The following ZNF462 variants were observed in gnomAD, a reference collection of about 807,000 sequenced individuals.
The protein encoded by ZNF462 is zinc finger PBX1-interacting protein.
ZNF462 carries 10 observed loss-of-function variants against 201.9 expected under a neutral mutation model. That is an observed-to-expected ratio of 0.05 (90% CI 0.03 to 0.08). The LOEUF is 0.08. ZNF462 is among the 10% of genes least tolerant of loss of function. The pLI is 1.00. For missense variants in ZNF462, 2,523 were observed against 3,168.3 expected (o/e 0.80, Z 4.89); for synonymous variants, 1,227 against 1,193.3 (o/e 1.03, Z -0.58).
At chr9:106,921,585 A>G (rs1829993842) in intron 1 of ZNF462, among the ~76,000 whole-genome samples, 1 of 152,196 alleles carries the variant, frequency 6.6e-6, no homozygotes, top group Admixed American at 6.5e-5. Context: ...AAGTGTGATA[A>G]ACACATTCAG....
chr9:107,004,581 T>A (rs1341187267), intron 11 of ZNF462, among the ~76,000 whole-genome samples: 1 of 152,202 alleles, frequency 6.6e-6, no homozygotes, highest in African/African-American at 2.4e-5. Flanking sequence ...TTGGACTTTT[T>A]AAATTTACTT....
chr9:106,924,570 C>T lies in ZNF462; in HGVS notation c.658C>T (p.Pro220Ser), dbSNP rs1306852905. 2.5e-6 allele frequency: 4 copies of T among 1,614,048 alleles called. No homozygotes were observed. Among genetic ancestry groups the T allele is most frequent in the Admixed American group, 1.7e-5 (1 of 60,004 alleles). The change falls in exon 3 of 13, where the codon CCA becomes TCA. Residue 220 changes from proline to serine, a missense_variant. Pro to Ser is a moderately conservative substitution (Grantham distance 74). This residue lies in a region of ZNF462 where 480 missense variants were observed against 544.4 expected (regional missense o/e 0.88). Transcript: ENST00000277225. The surrounding 1 kb of genome is among the most constrained non-coding windows in gnomAD (Gnocchi z 6.2). ...VSLQDPCKEL[P>S]AEVVERSILE... ...ACTGCAGGACCCCTGCAAGGAACTG[C>T]CAGCAGAGGTTGTGGAGCGCAGCAT...
At chr9:106,896,336 A>AT (rs1300176221) in intron 1 of ZNF462, among the ~76,000 whole-genome samples, 4 of 152,152 alleles carry the variant, frequency 2.6e-5, no homozygotes, top group African/African-American at 2.4e-5. Flanking sequence ...ATCGAAAATG[A>AT]TTTTTTTAAA....
In ZNF462 at chr9:106,972,702, A is replaced by C. The variant is rs1564142892; in HGVS notation, c.6695+430A>C. ...TGCTCCCCTGATAGAAAATTCTTTA[A>C]TTCTTAAGATCGTAGTATTGAAAGA... On this transcript the variant is annotated intron_variant, in intron 8 of 12. Coordinates refer to ENST00000277225, the MANE Select transcript of ZNF462 (RefSeq NM_021224.6). This position sits in a 1 kb window ranked among gnomAD's most constrained non-coding sequence, Gnocchi z 4.8. 6.7e-6 allele frequency among the ~76,000 whole-genome samples: 1 copy of C among 148,210 alleles called. No homozygotes were observed. Among genetic ancestry groups the C allele is most frequent in the African/African-American group, 2.4e-5 (1 of 41,080 alleles).
chr9:106,962,089 A>G lies in ZNF462; in HGVS notation c.6428-9916A>G, dbSNP rs548911652. On this transcript the variant is annotated intron_variant, in intron 7 of 12. Transcript: ENST00000277225. The surrounding 1 kb of genome is among the most constrained non-coding windows in gnomAD (Gnocchi z 4.6). The stretch of plus-strand genomic sequence containing the variant: ...TTTTTTCTGTAAGAAAGTGAGTGTC[A>G]TGATCACATTTGCATTTTAGAAAAG... Among the ~76,000 whole-genome samples, 6 of 152,176 alleles carry G rather than the reference A, an allele frequency of 3.9e-5. No individual in the cohort carries two copies. The highest frequency in any genetic ancestry group is 2.1e-4 in the South Asian group (1 of 4,826).
chr9:106,945,637 G>A (rs1232626039), intron 7 of ZNF462, among the ~76,000 whole-genome samples: 1 of 152,158 alleles, frequency 6.6e-6, no homozygotes, highest in African/African-American at 2.4e-5. Flanking sequence ...TTTTTAATAG[G>A]TTCTGCTGGT....
In ZNF462 at chr9:106,976,241, T is replaced by G. The variant is rs554917576; in HGVS notation, c.6832+1968T>G. ...TGGATACCATGAGGTGCCATGCCCT[T>G]GTTCACAGTGGGCTGCAGATTTCGC... On this transcript the variant is annotated intron_variant, in intron 9 of 12. Coordinates refer to ENST00000277225, the MANE Select transcript of ZNF462 (RefSeq NM_021224.6). 5.9e-5 allele frequency: 9 copies of G among 152,330 alleles called. No individual in the cohort carries two copies. In the East Asian group the frequency reaches 1.7e-3, roughly 29 times the overall value. The allele number at this position is 152,330 out of a possible 1,614,324, so 9.4% of individuals were successfully genotyped here. A position where few individuals can be genotyped will look rare whatever the true frequency, so the allele number is the denominator to read the frequency against.
chr9:106,974,491 T>C lies in ZNF462; in HGVS notation c.6832+218T>C. ...TCCACCTGGAGGGAGGCAAAGGTGA[T>C]GGATTCTGCAGTGAACATTTCCGTA... On this transcript the variant is annotated intron_variant, in intron 9 of 12. Coordinates refer to ENST00000277225, the MANE Select transcript of ZNF462 (RefSeq NM_021224.6). The surrounding 1 kb of genome is among the most constrained non-coding windows in gnomAD (Gnocchi z 4.0). 3.1e-6 allele frequency: 2 copies of C among 655,002 alleles called. No homozygotes were observed. The highest frequency in any genetic ancestry group is 3.5e-5 in the South Asian group (2 of 56,386). 40.6% of individuals were successfully genotyped at this position (655,002 alleles called of 1,614,324 possible). A position where few individuals can be genotyped will look rare whatever the true frequency, so the allele number is the denominator to read the frequency against.
intron 1 of ZNF462, among the ~76,000 whole-genome samples, chr9:106,909,857 G>C (rs1283669912): frequency 1.3e-5 from 2 of 151,960 alleles, no homozygotes; most frequent in Admixed American, 6.6e-5. Flanking sequence ...CTTTTTCTTG[G>C]AATAACAGAT....
Position 106,923,013 on chromosome 9 carries a change from C to A in ZNF462, c.-30-341C>A, listed in dbSNP as rs544041770. On this transcript the variant is annotated intron_variant, in intron 1 of 12. Transcript: ENST00000277225. The surrounding 1 kb of genome is among the most constrained non-coding windows in gnomAD (Gnocchi z 5.6). ...AAATGAGTCCAAGGCAGAACCAAAG[C>A]CAACATTAAGTTACCAAGAAATTTG... Among the ~76,000 whole-genome samples, 2 of 152,326 alleles carry A rather than the reference C, an allele frequency of 1.3e-5. No individual in the cohort carries two copies. Among genetic ancestry groups the A allele is most frequent in the East Asian group, 3.9e-4 (2 of 5,186 alleles).
Position 106,972,753 on chromosome 9 carries a change from C to T in ZNF462, c.6695+481C>T, listed in dbSNP as rs1057295691. ...CACATAGAGAATCAAGACCCTGGCA[C>T]TTCCAACACTACACTTGAGCAATCA... On this transcript the variant is annotated intron_variant, in intron 8 of 12. Coordinates refer to ENST00000277225, the MANE Select transcript of ZNF462 (RefSeq NM_021224.6). This position sits in a 1 kb window ranked among gnomAD's most constrained non-coding sequence, Gnocchi z 4.8. Among the ~76,000 whole-genome samples the T allele has an allele frequency of 2.6e-5, 4 of 152,206 alleles. No homozygotes were observed. Among genetic ancestry groups the T allele is most frequent in the African/African-American group, 9.7e-5 (4 of 41,450 alleles).
chr9:106,930,295 A>G lies in ZNF462; in HGVS notation c.5848-230A>G, dbSNP rs1263629788. Among the ~76,000 whole-genome samples the G allele has an allele frequency of 2.6e-5, 4 of 152,110 alleles. No individual in the cohort carries two copies. Among genetic ancestry groups the G allele is most frequent in the Non-Finnish European group, 5.9e-5 (4 of 68,018 alleles). ...AGTGACGATGAGCTTCTGCACAGAA[A>G]TCTTCTCTACTCACAAGCCGTAATG... is the stretch of plus-strand genomic sequence containing the variant. On this transcript the variant is annotated intron_variant, in intron 3 of 12. Coordinates refer to ENST00000277225, the MANE Select transcript of ZNF462 (RefSeq NM_021224.6). This position sits in a 1 kb window ranked among gnomAD's most constrained non-coding sequence, Gnocchi z 5.8.
Position 106,924,942 on chromosome 9 carries a change from C to A in ZNF462, c.1030C>A (p.Pro344Thr), listed in dbSNP as rs776717963. ...TTCCAAGTTTTCGCCCATGTCTTAC[C>A]CTCAGATGAAGCCGAAGTCACCTCA... Reference protein sequence around the residue: ...SASKFSPMSYPQMKPKSPHNS... With the variant: ...SASKFSPMSYTQMKPKSPHNS... Residue 344 changes from proline (P) to threonine (T), a missense_variant, in exon 3 of 13, where the codon CCT becomes ACT. Transcript: ENST00000277225. The surrounding 1 kb of genome is among the most constrained non-coding windows in gnomAD (Gnocchi z 6.2). 2.5e-6 allele frequency: 4 copies of A among 1,614,154 alleles called. No individual in the cohort carries two copies. Among genetic ancestry groups the A allele is most frequent in the Non-Finnish European group, 3.4e-6 (4 of 1,180,036 alleles).
At chr9:106,916,378 C>T (rs551714569) in intron 1 of ZNF462, among the ~76,000 whole-genome samples, 1 of 152,318 alleles carries the variant, frequency 6.6e-6, no homozygotes, top group African/African-American at 2.4e-5. Flanking sequence ...GCAGCTTCTG[C>T]TTACTCTGCG....
intron 1 of ZNF462, among the ~76,000 whole-genome samples, chr9:106,864,056 C>CTCTCTCTCTCTCTCTG (rs1827188363): frequency 1.1e-4 from 8 of 70,422 alleles, no homozygotes; most frequent in South Asian, 1.3e-3. Context: ...CTCTCTCTCT[C>CTCTCTCTCTCTCTCTG]TCTCTCTCTC....
In ZNF462 at chr9:106,928,655, G is replaced by A. The variant is rs1178136641; in HGVS notation, c.4743G>A (p.Leu1581=). The part of the protein sequence containing the change: ...KQGYGAYRCK[L]CPYTHGTLEK... ...GGTATGGCGCCTACCGGTGCAAACT[G>A]TGTCCGTACACACACGGCACTTTGG... is the stretch of plus-strand genomic sequence containing the variant. Residue 1581 remains leucine, a synonymous_variant, in exon 3 of 13, where the codon CTG becomes CTA. Coordinates refer to ENST00000277225, the MANE Select transcript of ZNF462 (RefSeq NM_021224.6). This position sits in a 1 kb window ranked among gnomAD's most constrained non-coding sequence, Gnocchi z 9.3. The A allele has an allele frequency of 6.2e-7, 1 of 1,614,066 alleles. No individual in the cohort carries two copies. The highest frequency in any genetic ancestry group is 1.1e-5 in the South Asian group (1 of 91,080).
At chr9:106,945,385 A>G (rs547501951) in intron 7 of ZNF462, among the ~76,000 whole-genome samples, 1 of 152,276 alleles carries the variant, frequency 6.6e-6, no homozygotes, top group Non-Finnish European at 1.5e-5. Flanking sequence ...AGCTTTTCAG[A>G]TATCTAAATA....
chr9:106,979,816 G>C, intron 9 of ZNF462, among the ~76,000 whole-genome samples: 1 of 152,156 alleles, frequency 6.6e-6, no homozygotes, highest in Non-Finnish European at 1.5e-5. Flanking sequence ...ACAGATTTTA[G>C]GGATGAAACA....
chr9:106,875,215 G>A (rs573183605), intron 1 of ZNF462, among the ~76,000 whole-genome samples: 3 of 152,160 alleles, frequency 2.0e-5, no homozygotes, highest in South Asian at 2.1e-4. Context: ...TAGAAAGGTC[G>A]TGGCAATATT....
Sources: gnomAD v4.1 joint callset for allele counts (sites outside exome capture counted in the v4.1 genomes callset) on GRCh38, gnomAD v4.1.1 for gene constraint, gnomAD v4.1.1 regional missense constraint, Gnocchi (gnomAD v3.1) non-coding constraint, MANE v1.5 for transcripts, NCBI Gene and HGNC (gene_info 2026-07-23, HGNC 2026-07-21) for gene names.